NCAM2: variants seen among roughly 807,000 people sequenced by gnomAD.
The protein encoded by NCAM2 is N-CAM-2.
A neutral mutation model predicts 98.1 loss-of-function variants in NCAM2; 30 were observed. The observed-to-expected ratio is 0.31, with a 90% CI of 0.23 to 0.41. NCAM2 has a LOEUF of 0.41. NCAM2 is among the 10% of genes least tolerant of loss of function. The pLI is 1.00. For synonymous variants in NCAM2, 368 were observed against 342.4 expected, an observed-to-expected ratio of 1.07 and a Z score of -0.83; for missense variants, 867 against 1,005.8, an observed-to-expected ratio of 0.86 and a Z score of 1.87.
chr21:21,419,691 C>CA (rs2077071396), intron 11 of NCAM2, among the ~76,000 whole-genome samples: 1 of 151,938 alleles, frequency 6.6e-6, no homozygotes. Flanking sequence ...GACATGAACT[C>CA]TTCATTTTTT....
At chr21:21,183,379 T>C (rs2068540384) in intron 1 of NCAM2, among the ~76,000 whole-genome samples, 1 of 152,044 alleles carries the variant, frequency 6.6e-6, no homozygotes, top group African/African-American at 2.4e-5. Flanking sequence ...CCACCGTGGA[T>C]AGTGTCTATG....
At chr21:21,147,699 A>T (rs1377502481) in intron 1 of NCAM2, among the ~76,000 whole-genome samples, 4 of 136,124 alleles carry the variant, frequency 2.9e-5, no homozygotes, top group Admixed American at 7.7e-5. Flanking sequence ...ATACATCAAA[A>T]ACATACATAT....
At chr21:21,245,769 G>C (rs903634093) in intron 1 of NCAM2, among the ~76,000 whole-genome samples, 2 of 152,076 alleles carry the variant, frequency 1.3e-5, no homozygotes, top group African/African-American at 4.8e-5. Context: ...TCTTCCCTGA[G>C]GGAGAGGAAG....
chr21:21,330,268 A>G (rs2074635241), intron 6 of NCAM2, among the ~76,000 whole-genome samples: 1 of 152,084 alleles, frequency 6.6e-6, no homozygotes, highest in African/African-American at 2.4e-5. Context: ...TTATTCTAAT[A>G]CAAGCATCTG....
rs115257467 is a variant in NCAM2 at position 21,382,947 on chromosome 21, A to T, written c.1195+8934A>T. On this transcript the variant is annotated intron_variant, in intron 9 of 17. Coordinates refer to ENST00000400546, the MANE Select transcript of NCAM2 (RefSeq NM_004540.5). The stretch of plus-strand genomic sequence containing the variant: ...CATTTCATTTTATCTATTTTAGAAT[A>T]TATACATTTTCTTCACCTCATAAAT... Among the ~76,000 whole-genome samples, 284 of 152,122 alleles carry T rather than the reference A, an allele frequency of 1.9e-3. 2 individuals are homozygous for T. The highest frequency in any genetic ancestry group is 6.6e-3 in the African/African-American group (272 of 41,498).
intron 6 of NCAM2, among the ~76,000 whole-genome samples, chr21:21,333,626 G>A (rs116005677): frequency 0.017 from 2,623 of 152,176 alleles, 76 homozygotes; most frequent in African/African-American, 0.06. Context: ...TAATGGGTGA[G>A]CCTGTCTTTT....
At position 21,479,494 on chromosome 21, in the gene NCAM2, G is replaced by T. The variant is rs965277046; in HGVS notation, c.2077+2023G>T. On this transcript the variant is annotated intron_variant, in intron 15 of 17. Coordinates refer to ENST00000400546, the MANE Select transcript of NCAM2 (RefSeq NM_004540.5). ...AGCTACTCTAGAGGTTGAGACAGGAGAATGGAGTGGACCCGGGAGGCGGAG... is the reference window on the plus strand; with the variant it reads ...AGCTACTCTAGAGGTTGAGACAGGATAATGGAGTGGACCCGGGAGGCGGAG... 2.0e-5 allele frequency among the ~76,000 whole-genome samples: 3 copies of T among 147,960 alleles called. No individual in the cohort carries two copies. In the Admixed American group the frequency reaches 2.1e-4, roughly 10 times the overall value.
intron 5 of NCAM2, among the ~76,000 whole-genome samples, chr21:21,314,759 T>TTTG (rs34346971): frequency 0.3 from 45,859 of 151,568 alleles, 7,395 homozygotes; most frequent in African/African-American, 0.41. Context: ...ATCCATGAAT[T>TTTG]TTGTTGTTGT....
In NCAM2 at chr21:21,439,088, A is replaced by G. The variant is rs530424148; in HGVS notation, c.1654+6807A>G. Among the ~76,000 whole-genome samples, 19 of 151,580 alleles carry G rather than the reference A, an allele frequency of 1.3e-4. No individual in the cohort carries two copies. In the South Asian group the frequency reaches 4.0e-3, roughly 32 times the overall value. ...GCAACACAACAAGATACTGTCTCTAAAAAAATAAATAAATAAAAATAAGTA... is the reference window on the plus strand; with the variant it reads ...GCAACACAACAAGATACTGTCTCTAGAAAAATAAATAAATAAAAATAAGTA... On this transcript the variant is annotated intron_variant, in intron 12 of 17. Transcript: ENST00000400546.
chr21:21,003,973 A>G (rs756833649), intron 1 of NCAM2, among the ~76,000 whole-genome samples: 4 of 152,086 alleles, frequency 2.6e-5, no homozygotes, highest in African/African-American at 4.8e-5. Flanking sequence ...TTTTTTTTGT[A>G]TCATGAATCC....
chr21:21,307,620 T>G lies in NCAM2; in HGVS notation c.619+15379T>G, dbSNP rs535166161. 7.2e-5 allele frequency among the ~76,000 whole-genome samples: 11 copies of G among 152,238 alleles called. 1 individual carries two copies. The South Asian group carries it at 2.3e-3, about 32-fold the overall frequency. On this transcript the variant is annotated intron_variant, in intron 5 of 17. Coordinates refer to ENST00000400546, the MANE Select transcript of NCAM2 (RefSeq NM_004540.5). ...AATGTCATTCAGGTTTTTGGCAGAA[T>G]CCAGCCTCTTTCTTCTGTTGGACTG... is the stretch of plus-strand genomic sequence containing the variant.
At chr21:21,219,464 A>C (rs1207392015) in intron 1 of NCAM2, among the ~76,000 whole-genome samples, 2 of 152,236 alleles carry the variant, frequency 1.3e-5, no homozygotes, top group African/African-American at 4.8e-5. Context: ...AATGGAATGA[A>C]AATTTCCTAT....
intron 8 of NCAM2, among the ~76,000 whole-genome samples, chr21:21,371,433 G>A (rs1359502881): frequency 6.6e-6 from 1 of 151,736 alleles, no homozygotes; most frequent in Non-Finnish European, 1.5e-5. Flanking sequence ...CATCCACAAT[G>A]GGGTGCATAT....
At chr21:21,093,814 T>C (rs767826817) in intron 1 of NCAM2, among the ~76,000 whole-genome samples, 2 of 152,066 alleles carry the variant, frequency 1.3e-5, no homozygotes, top group Admixed American at 6.6e-5. Flanking sequence ...CATTGGAGTC[T>C]AGGCTCTAAA....
At chr21:20,999,139 A>G (rs920765072) in intron 1 of NCAM2, among the ~76,000 whole-genome samples, 4 of 151,926 alleles carry the variant, frequency 2.6e-5, no homozygotes, top group Non-Finnish European at 5.9e-5. Context: ...GTGAATGATG[A>G]TGGCTTATTT....
chr21:21,411,565 C>T (rs13051914), intron 10 of NCAM2, among the ~76,000 whole-genome samples: 18,181 of 151,746 alleles, frequency 0.12, 1,375 homozygotes, highest in Middle Eastern at 0.23. Context: ...TATCAATTTC[C>T]GAAACATAAA....
intron 17 of NCAM2, among the ~76,000 whole-genome samples, 176 bp from the exon 18 acceptor site, chr21:21,537,670 T>G (rs945374749): frequency 2.7e-4 from 41 of 152,208 alleles, no homozygotes; most frequent in African/African-American, 9.9e-4. Flanking sequence ...TAAATTTAAT[T>G]TTTCCTTTCT....
chr21:21,264,688 C>T (rs1470381014), intron 1 of NCAM2, among the ~76,000 whole-genome samples: 1 of 148,774 alleles, frequency 6.7e-6, no homozygotes, highest in African/African-American at 2.5e-5. Context: ...CATATATACA[C>T]ACACATACAT....
At chr21:21,196,735 G>A (rs2069017344) in intron 1 of NCAM2, among the ~76,000 whole-genome samples, 1 of 152,192 alleles carries the variant, frequency 6.6e-6, no homozygotes, top group Admixed American at 6.5e-5. Flanking sequence ...AAAATGTTGT[G>A]ATTTTATTTT....
Sources: gnomAD v4.1 joint callset for allele counts (sites outside exome capture counted in the v4.1 genomes callset) on GRCh38, gnomAD v4.1.1 for gene constraint, MANE v1.5 for transcripts, NCBI Gene and HGNC (gene_info 2026-07-23, HGNC 2026-07-21) for gene names.